The following COG6 variants were observed in gnomAD, a reference collection of about 807,000 sequenced individuals.
COG6 encodes conserved oligomeric Golgi complex subunit 6.
COG6 carries 74 observed loss-of-function variants against 88.8 expected under a neutral mutation model. The observed-to-expected ratio is 0.83, with a 90% CI of 0.69 to 1.01. COG6 has a LOEUF of 1.01. COG6 is among the 50% of genes least tolerant of loss of function. The pLI is 0.00. For synonymous variants in COG6, 286 were observed against 278.7 expected (o/e 1.03, Z -0.26); for missense variants, 800 against 797.9 (o/e 1.00, Z -0.03).
chr13:39,782,743 C>T lies in COG6; in HGVS notation c.1827-5592C>T, dbSNP rs1011652349. On this transcript the variant is annotated intron_variant, in intron 18 of 18. Coordinates refer to the COG6 transcript ENST00000416691. ...CCATCACAACAGGGGCTAGCAATGG[C>T]CTTCTTAGGGGCAGCACCTAGACCA... Among the ~76,000 whole-genome samples, 2 of 152,136 alleles carry T rather than the reference C, an allele frequency of 1.3e-5. 1 individual carries two copies. Among genetic ancestry groups the T allele is most frequent in the Non-Finnish European group, 2.9e-5 (2 of 68,032 alleles).
At chr13:39,776,404 A>C (rs1289362096) in intron 18 of COG6, among the ~76,000 whole-genome samples, 2 of 152,234 alleles carry the variant, frequency 1.3e-5, no homozygotes, top group African/African-American at 4.8e-5. Flanking sequence ...ACCTAATCAG[A>C]ATAATCAGGT....
At chr13:39,697,038 T>C (rs1173069354) in intron 12 of COG6, among the ~76,000 whole-genome samples, 3 of 149,250 alleles carry the variant, frequency 2.0e-5, no homozygotes, top group African/African-American at 7.4e-5. Context: ...AATGGTATTG[T>C]TTGCTGAGAT....
intron 18 of COG6, among the ~76,000 whole-genome samples, chr13:39,728,273 A>G (rs7989997): frequency 0.22 from 32,826 of 152,096 alleles, 3,678 homozygotes; most frequent in Non-Finnish European, 0.25. Flanking sequence ...AAATATTTAC[A>G]TTGAAATGTA....
At chr13:39,739,742 A>G (rs935268401) in intron 18 of COG6, among the ~76,000 whole-genome samples, 4 of 152,146 alleles carry the variant, frequency 2.6e-5, no homozygotes, top group African/African-American at 7.2e-5. Flanking sequence ...AAAACAATAT[A>G]TGCATAGTTA....
chr13:39,689,913 A>C, intron 11 of COG6, 89 bp downstream of exon 11: 1 of 785,286 alleles, frequency 1.3e-6, no homozygotes, highest in Non-Finnish European at 2.2e-6. Flanking sequence ...ATACCAGCTC[A>C]AATACAATCT....
At position 39,751,174 on chromosome 13, in the gene COG6, T is replaced by A. The variant is rs1043009557; in HGVS notation, c.*81T>A. 1 of 1,558,388 alleles carries A rather than the reference T, an allele frequency of 6.4e-7. No homozygotes were observed. Among genetic ancestry groups the A allele is most frequent in the African/African-American group, 1.4e-5 (1 of 72,844 alleles). On this transcript the variant is annotated 3_prime_UTR_variant, in exon 19 of 19. Transcript: ENST00000455146. The stretch of plus-strand genomic sequence containing the variant: ...TTTTTTATTCTTTGAATTTTTACTC[T>A]ATAATTTGATAGTTACAGTTTTCTT...
chr13:39,726,544 G>A (rs1427492195), intron 17 of COG6, among the ~76,000 whole-genome samples: 1 of 151,932 alleles, frequency 6.6e-6, no homozygotes, highest in Non-Finnish European at 1.5e-5. Context: ...AAATGCTGCA[G>A]TAGGTACCTA....
intron 8 of COG6, among the ~76,000 whole-genome samples, chr13:39,686,740 T>A (rs187076953): frequency 1.8e-3 from 271 of 151,586 alleles, no homozygotes; most frequent in African/African-American, 6.1e-3. Flanking sequence ...AATTCTTTTA[T>A]TTTTTCTGAG....
intron 11 of COG6, 28 bp from the exon 12 acceptor site, chr13:39,694,606 T>A (rs758382733): frequency 1.5e-6 from 2 of 1,354,634 alleles, no homozygotes; most frequent in South Asian, 2.4e-5. Context: ...TTAAGAAATG[T>A]TTACTTTCCT....
downstream of COG6, among the ~76,000 whole-genome samples, chr13:39,757,071 T>C (rs545635614): frequency 1.4e-3 from 219 of 152,316 alleles, no homozygotes; most frequent in African/African-American, 4.7e-3. Flanking sequence ...CTCTCCAAGA[T>C]AGACCATATG....
chr13:39,708,786 C>G (rs1878081284), intron 13 of COG6, among the ~76,000 whole-genome samples: 1 of 152,094 alleles, frequency 6.6e-6, no homozygotes, highest in Non-Finnish European at 1.5e-5. Flanking sequence ...TCATCTTTGT[C>G]CTTAGCTACA....
Position 39,682,170 on chromosome 13 carries a change from G to C in COG6, c.695-1G>C. 1.9e-6 allele frequency: 3 copies of C among 1,599,480 alleles called. No individual in the cohort carries two copies. The highest frequency in any genetic ancestry group is 2.6e-6 in the Non-Finnish European group (3 of 1,166,952). ...AAGTTATAATGTTAATTATTTTTCAGGTGAATGCAGAACATTGACACAAGA... is the reference window on the plus strand; with the variant it reads ...AAGTTATAATGTTAATTATTTTTCACGTGAATGCAGAACATTGACACAAGA... On this transcript the variant is annotated splice_acceptor_variant, in intron 7 of 18. Transcript: ENST00000455146. LOFTEE classifies it high-confidence loss of function.
chr13:39,670,316 A>G (rs993986232), intron 4 of COG6, among the ~76,000 whole-genome samples: 1 of 152,038 alleles, frequency 6.6e-6, no homozygotes, highest in Non-Finnish European at 1.5e-5. Flanking sequence ...TATTTTTATT[A>G]TCTCTTATAA....
Position 39,751,009 on chromosome 13 carries a change from C to CG in COG6, c.1891dup (p.Val631GlyfsTer7). On this transcript the variant is annotated frameshift_variant, in exon 19 of 19. Transcript: ENST00000455146. LOFTEE classifies it high-confidence loss of function. Reference sequence around the variant, plus strand: ...GAGCCTATGGTGAAGTGTATGCAGCCGTGATGAATCCAATCAATGAATACA... The same window carrying CG: ...GAGCCTATGGTGAAGTGTATGCAGCCGGTGATGAATCCAATCAATGAATACA... 6.2e-7 allele frequency: 1 copy of CG among 1,613,530 alleles called. No individual in the cohort carries two copies. Among genetic ancestry groups the CG allele is most frequent in the Non-Finnish European group, 8.5e-7 (1 of 1,179,708 alleles).
At chr13:39,736,334 G>T (rs1019598131) in intron 18 of COG6, among the ~76,000 whole-genome samples, 1 of 152,052 alleles carries the variant, frequency 6.6e-6, no homozygotes, top group Non-Finnish European at 1.5e-5. Flanking sequence ...GTATTTTTCA[G>T]CTTCGGACTT....
intron 18 of COG6, among the ~76,000 whole-genome samples, chr13:39,761,870 T>A (rs543557298): frequency 6.6e-6 from 1 of 150,572 alleles, no homozygotes; most frequent in South Asian, 2.1e-4. Flanking sequence ...AGAGAAAAAA[T>A]AACAAATGTT....
intron 18 of COG6, among the ~76,000 whole-genome samples, chr13:39,741,716 A>G (rs1880052477): frequency 6.6e-6 from 1 of 152,160 alleles, no homozygotes; most frequent in Non-Finnish European, 1.5e-5. Context: ...CCAACCTAGC[A>G]AGGCAGGCCA....
intron 13 of COG6, among the ~76,000 whole-genome samples, chr13:39,715,702 A>G (rs1408905652): frequency 6.6e-6 from 1 of 152,004 alleles, no homozygotes; most frequent in Non-Finnish European, 1.5e-5. Context: ...TTTATTTTTA[A>G]AAACAAATGG....
rs1324127127 is a variant in COG6 at position 39,751,374 on chromosome 13, T to C, written c.*281T>C. 1 of 1,391,970 alleles carries C rather than the reference T, an allele frequency of 7.2e-7. No homozygotes were observed. The highest frequency in any genetic ancestry group is 1.4e-5 in the African/African-American group (1 of 69,524). 86.2% of individuals were successfully genotyped at this position (1,391,970 alleles called of 1,614,324 possible). ...CAGTTTTCACTGTATTCAGGAAGCA[T>C]AAAGTAGTATGAAAGGTTTGAAGAA... On this transcript the variant is annotated 3_prime_UTR_variant, in exon 19 of 19. Transcript: ENST00000455146.
Sources: allele counts gnomAD v4.1 joint callset (sites outside exome capture counted in the v4.1 genomes callset), GRCh38; gene constraint gnomAD v4.1.1; transcripts MANE v1.5; gene names NCBI Gene and HGNC (gene_info 2026-07-23, HGNC 2026-07-21).